The following PRKD1 variants were observed in gnomAD, a reference collection of about 807,000 sequenced individuals.
PRKD1 encodes protein kinase D1.
Under a neutral mutation model 95.9 loss-of-function variants are expected in PRKD1, and 63 were observed. The observed-to-expected ratio is 0.66, with a 90% CI of 0.54 to 0.81. The LOEUF (loss-of-function observed/expected upper bound fraction) is 0.81, where lower values mean the gene tolerates loss of function less well. Ranked by LOEUF, PRKD1 falls within the 30% of genes least tolerant of loss-of-function variation. PRKD1 has a pLI of 0.00. For missense variants in PRKD1, 1,048 were observed against 1,165.3 expected, an observed-to-expected ratio of 0.90 and a Z score of 1.47; for synonymous variants, 425 against 423.1, an observed-to-expected ratio of 1.00 and a Z score of -0.05.
At chr14:29,749,549 G>C (rs374764106) in intron 1 of PRKD1, among the ~76,000 whole-genome samples, 1 of 152,302 alleles carries the variant, frequency 6.6e-6, no homozygotes, top group East Asian at 1.9e-4. Context: ...GAATATGGCT[G>C]AGGCAGAGCA....
intron 1 of PRKD1, among the ~76,000 whole-genome samples, chr14:29,825,954 G>C (rs1379907986): frequency 1.3e-5 from 2 of 151,696 alleles, no homozygotes; most frequent in Non-Finnish European, 2.9e-5. Context: ...TACTATGCTA[G>C]GTCTTCATAG....
At chr14:29,598,052 G>A (rs1285647964) in intron 15 of PRKD1, among the ~76,000 whole-genome samples, 2 of 151,924 alleles carry the variant, frequency 1.3e-5, no homozygotes, top group South Asian at 2.1e-4. Context: ...GAGGCAGGAG[G>A]ATTGCTTGAG....
At chr14:29,651,448 AT>A (rs1335668722) in intron 4 of PRKD1, among the ~76,000 whole-genome samples, 1 of 152,234 alleles carries the variant, frequency 6.6e-6, no homozygotes, top group Admixed American at 6.5e-5. Flanking sequence ...GCAAGAAGGA[AT>A]TCATCTGATT....
intron 1 of PRKD1, among the ~76,000 whole-genome samples, chr14:29,793,161 G>A (rs182593444): frequency 5.9e-5 from 9 of 151,980 alleles, no homozygotes; most frequent in African/African-American, 1.9e-4. Flanking sequence ...TTTTTTGCTT[G>A]TAGGAGCACT....
chr14:29,775,416 A>C (rs1172239941), intron 1 of PRKD1, among the ~76,000 whole-genome samples: 3 of 152,230 alleles, frequency 2.0e-5, no homozygotes, highest in Non-Finnish European at 2.9e-5. Flanking sequence ...GCTGTGACAG[A>C]TGGCACCTGG....
chr14:29,840,772 C>G (rs1679058706), intron 1 of PRKD1, among the ~76,000 whole-genome samples: 1 of 152,166 alleles, frequency 6.6e-6, no homozygotes, highest in Admixed American at 6.5e-5. Flanking sequence ...CGTTATAAAA[C>G]CATTTATAAA....
At chr14:29,613,981 T>C (rs868812341) in intron 13 of PRKD1, among the ~76,000 whole-genome samples, 1 of 152,226 alleles carries the variant, frequency 6.6e-6, no homozygotes, top group Non-Finnish European at 1.5e-5. Flanking sequence ...AATGAATGAA[T>C]GCATGAATGA....
At chr14:29,855,042 C>T (rs774367484) in intron 1 of PRKD1, among the ~76,000 whole-genome samples, 21 of 152,190 alleles carry the variant, frequency 1.4e-4, no homozygotes, top group Non-Finnish European at 2.8e-4. Context: ...AGGGGCAGGG[C>T]CCTCATTGAG....
intron 13 of PRKD1, among the ~76,000 whole-genome samples, chr14:29,623,181 CAG>C (rs1207671983): frequency 2.0e-5 from 3 of 152,100 alleles, no homozygotes; most frequent in Non-Finnish European, 2.9e-5. Flanking sequence ...ATTAGTTGTC[CAG>C]AGACACAAAA....
Position 29,850,182 on chromosome 14 carries a change from T to G in PRKD1, c.264+77067A>C, listed in dbSNP as rs561957384. Among the ~76,000 whole-genome samples the G allele has an allele frequency of 7.9e-4, 120 of 152,210 alleles. 1 individual carries two copies. Among genetic ancestry groups the G allele is most frequent in the African/African-American group, 2.6e-3 (108 of 41,546 alleles). ...TTCTTACCACTCTTATTCAACATAG[T>G]ACTGGAAGTCCTAGTCAGACCAATA... On this transcript the variant is annotated intron_variant, in intron 1 of 17. Coordinates refer to ENST00000331968, the MANE Select transcript of PRKD1 (RefSeq NM_002742.3).
chr14:29,781,668 C>T (rs894203787), intron 1 of PRKD1, among the ~76,000 whole-genome samples: 1 of 152,146 alleles, frequency 6.6e-6, no homozygotes, highest in African/African-American at 2.4e-5. Context: ...TATAAGAGAA[C>T]CCAAAAGAAT....
At chr14:29,729,363 T>C (rs1449201797) in intron 1 of PRKD1, among the ~76,000 whole-genome samples, 1 of 152,122 alleles carries the variant, frequency 6.6e-6, no homozygotes, top group Non-Finnish European at 1.5e-5. Context: ...TAGTATACTT[T>C]AGACTTCAAT....
intron 1 of PRKD1, among the ~76,000 whole-genome samples, chr14:29,866,943 A>G (rs1480315222): frequency 2.0e-5 from 3 of 152,186 alleles, no homozygotes; most frequent in Admixed American, 6.5e-5. Context: ...GGACACTCAA[A>G]TCTAACAATC....
At chr14:29,896,923 A>T (rs1189061138) in intron 1 of PRKD1, among the ~76,000 whole-genome samples, 1 of 152,000 alleles carries the variant, frequency 6.6e-6, no homozygotes, top group Non-Finnish European at 1.5e-5. Flanking sequence ...ATGTAAGTGC[A>T]TGTTCTCTAA....
intron 13 of PRKD1, among the ~76,000 whole-genome samples, chr14:29,613,645 C>T (rs1878640236): frequency 6.6e-6 from 1 of 152,178 alleles, no homozygotes; most frequent in African/African-American, 2.4e-5. Flanking sequence ...CTGTGTAATA[C>T]ATAAACCCAA....
intron 16 of PRKD1, among the ~76,000 whole-genome samples, chr14:29,589,875 G>A (rs754604728): frequency 7.9e-5 from 12 of 151,886 alleles, no homozygotes; most frequent in East Asian, 1.9e-4. Flanking sequence ...CCTGCCTTCC[G>A]GAGACTACCT....
At chr14:29,577,579 C>A in intron 17 of PRKD1, 123 bp from the exon 18 acceptor site, 2 of 923,860 alleles carry the variant, frequency 2.2e-6, no homozygotes, top group Non-Finnish European at 3.3e-6. Context: ...AGCGCTGAAT[C>A]TTTCATCACG....
intron 1 of PRKD1, among the ~76,000 whole-genome samples, chr14:29,854,660 A>T (rs1892430710): frequency 6.6e-6 from 1 of 152,248 alleles, no homozygotes; most frequent in African/African-American, 2.4e-5. Flanking sequence ...TAAGTAGCCA[A>T]ATGTTAATCC....
At chr14:29,663,348 A>G (rs1355631265) in intron 4 of PRKD1, among the ~76,000 whole-genome samples, 1 of 151,898 alleles carries the variant, frequency 6.6e-6, no homozygotes, top group Non-Finnish European at 1.5e-5. Flanking sequence ...CCATGCCACA[A>G]ATTCCTCTAA....
Sources: allele counts gnomAD v4.1 joint callset (sites outside exome capture counted in the v4.1 genomes callset), GRCh38; gene constraint gnomAD v4.1.1; transcripts MANE v1.5; gene names NCBI Gene and HGNC (gene_info 2026-07-23, HGNC 2026-07-21).